MAP7D3: variants seen among roughly 807,000 people sequenced by gnomAD.
MAP7D3 encodes MAP7 domain containing 3, also known as MAP7 domain-containing protein 3.
Under a neutral mutation model 62.2 loss-of-function variants are expected in MAP7D3, and 45 were observed. The ratio of observed to expected loss-of-function variants is 0.72; its 90% CI spans 0.57 to 0.93. The LOEUF is 0.93. MAP7D3 is among the 40% of genes least tolerant of loss of function. MAP7D3 has a pLI of 0.00. For synonymous variants in MAP7D3, 288 were observed against 248.8 expected, an observed-to-expected ratio of 1.16 and a Z score of -1.48; for missense variants, 711 against 683.1, an observed-to-expected ratio of 1.04 and a Z score of -0.45.
chrX:136,236,156 T>C (rs2074326936), intron 7 of MAP7D3, 88 bp downstream of exon 7: 1 of 590,857 alleles, frequency 1.7e-6, no homozygotes, highest in African/African-American at 2.3e-5. Context: ...GCTTCCAATT[T>C]TGGGAATGAT....
intron 4 of MAP7D3, 48 bp downstream of exon 4, chrX:136,244,584 C>CA: frequency 8.9e-7 from 1 of 1,124,315 alleles, no homozygotes; most frequent in Non-Finnish European, 1.2e-6. Flanking sequence ...ATTCTAGACT[C>CA]AGGCAACACA....
At chrX:136,240,199 ACT>A (rs1408917373) in intron 6 of MAP7D3, among the ~76,000 whole-genome samples, 181 bp downstream of exon 6, 5 of 81,247 alleles carry the variant, frequency 6.2e-5, no homozygotes, top group African/African-American at 8.8e-5. Context: ...ACAGAGTGAG[ACT>A]CTGTCTCAAA....
At chrX:136,226,103 T>C (rs1235411436) in intron 12 of MAP7D3, 90 bp from the exon 13 acceptor site, 3 of 576,765 alleles carry the variant, frequency 5.2e-6, no homozygotes, top group Non-Finnish European at 8.3e-6. Flanking sequence ...TGGTAAATGT[T>C]ATCTAGTATA....
In MAP7D3 at chrX:136,230,847, G is replaced by T; in HGVS notation, c.1533C>A (p.Ile511=). The T allele has an allele frequency of 8.3e-7, 1 of 1,207,833 alleles. No homozygotes were observed. The highest frequency in any genetic ancestry group is 1.1e-6 in the Non-Finnish European group (1 of 893,488). ...PENACGLPSP[I]STNRQIQKNC... ...GCGAATAAGCTGCTTACTTAGTGCT[G>T]ATGGGAGACGGCAGACCACAAGCAT... is the stretch of plus-strand genomic sequence containing the variant. Residue 511 remains isoleucine, a synonymous_variant, in exon 9 of 19, where the codon ATC becomes ATA. Coordinates refer to ENST00000316077, the MANE Select transcript of MAP7D3 (RefSeq NM_024597.4).
At position 136,240,385 on chromosome X, in the gene MAP7D3, T is replaced by C. The variant is rs1251285526; in HGVS notation, c.637A>G (p.Lys213Glu). ...AATACATGAAATAACTACTTACTTT[T>C]GGCAACGGAATTTTGAAGGCCTGCA... is the stretch of plus-strand genomic sequence containing the variant. The part of the protein sequence containing the change: ...SSAGLQNSVA[K>E]RKTDKERSSS... Residue 213 changes from lysine to glutamate, a missense_variant, in exon 6 of 19, where the codon AAA becomes GAA. Lys to Glu is a moderately conservative substitution (Grantham distance 56, BLOSUM62 1). Transcript: ENST00000316077. 2.6e-6 allele frequency: 3 copies of C among 1,163,705 alleles called. No individual in the cohort carries two copies. In the South Asian group the frequency reaches 5.4e-5, roughly 21 times the overall value.
In MAP7D3 at chrX:136,219,453, A is replaced by G; in HGVS notation, c.2608T>C (p.Ser870Pro). 1 of 1,206,608 alleles carries G rather than the reference A, an allele frequency of 8.3e-7. No individual in the cohort carries two copies. The highest frequency in any genetic ancestry group is 1.1e-6 in the Non-Finnish European group (1 of 890,932). Residue 870 changes from serine to proline, a missense_variant, in exon 18 of 19, where the codon TCC becomes CCC. By Grantham distance (74) the Ser-to-Pro change is moderately conservative (BLOSUM62 -1). Coordinates refer to ENST00000316077, the MANE Select transcript of MAP7D3 (RefSeq NM_024597.4). ...SEGFHDILPK[S>P]SDTFRQ ...TCTTATTGTCTAAAGGTGTCTGAGG[A>G]CTTTGGCAAGATGTCATGGAATCCT...
In MAP7D3 at chrX:136,228,758, T is replaced by G; in HGVS notation, c.1751A>C (p.Glu584Ala). 1 of 1,181,931 alleles carries G rather than the reference T, an allele frequency of 8.5e-7. No individual in the cohort carries two copies. Among genetic ancestry groups the G allele is most frequent in the Non-Finnish European group, 1.1e-6 (1 of 881,624 alleles). Residue 584 changes from glutamate to alanine, a missense_variant and splice_region_variant, in exon 11 of 19, where the codon GAG (glutamate) becomes GCG (alanine). Transcript: ENST00000316077. ...ALSQRHMIYE[E>A]SGNKSTAGIM... ...ACCTGCAGTACTCTTATTACCAGAC[T>G]CTAGTTTAAATAAATATGTGCAACA...
intron 14 of MAP7D3, among the ~76,000 whole-genome samples, chrX:136,222,753 G>A (rs1015949646): frequency 9.0e-6 from 1 of 111,074 alleles, no homozygotes; most frequent in African/African-American, 3.3e-5. Flanking sequence ...CTTTGGGTTG[G>A]CATTTGTTCT....
intron 6 of MAP7D3, among the ~76,000 whole-genome samples, chrX:136,237,339 T>C (rs1447494079): frequency 8.9e-6 from 1 of 112,120 alleles, no homozygotes. Context: ...TGTGAGCAGT[T>C]ATTATGAATC....
chrX:136,231,115 CA>C, intron 8 of MAP7D3, 149 bp from the exon 9 acceptor site: 2 of 391,568 alleles, frequency 5.1e-6, no homozygotes, highest in Middle Eastern at 7.1e-4. Context: ...GTATGAGAAT[CA>C]GGACATTGAT....
At chrX:136,249,878 T>C (rs953478492) in intron 1 of MAP7D3, among the ~76,000 whole-genome samples, 4 of 112,606 alleles carry the variant, frequency 3.6e-5, no homozygotes, top group Non-Finnish European at 7.5e-5. Flanking sequence ...TACATGGCTC[T>C]TAAGTTTTTG....
chrX:136,255,698 C>T (rs373978663), upstream of MAP7D3, among the ~76,000 whole-genome samples: 31 of 110,695 alleles, frequency 2.8e-4, no homozygotes, highest in African/African-American at 9.2e-4. Context: ...TATTCTGGAG[C>T]CAAAACAGAC....
intron 10 of MAP7D3, chrX:136,228,967 C>T: frequency 3.9e-6 from 1 of 256,588 alleles, no homozygotes; most frequent in Non-Finnish European, 6.8e-6. Context: ...TTCTTTTTAA[C>T]ACCTACTTGT....
intron 10 of MAP7D3, 36 bp from the exon 11 acceptor site, chrX:136,228,794 C>A: frequency 2.8e-6 from 3 of 1,081,449 alleles, no homozygotes; most frequent in Non-Finnish European, 2.5e-6. Context: ...GTTAAGAGAG[C>A]TAATCAACTC....
chrX:136,250,852 G>A (rs994007934), intron 1 of MAP7D3, among the ~76,000 whole-genome samples: 2 of 111,830 alleles, frequency 1.8e-5, no homozygotes, highest in East Asian at 2.9e-4. Flanking sequence ...GTCCCTGCGG[G>A]CGCCCGCACA....
Position 136,224,628 on chromosome X carries a change from A to AT in MAP7D3, c.2193+198dup, listed in dbSNP as rs776397730. Among the ~76,000 whole-genome samples the AT allele has an allele frequency of 2.7e-5, 3 of 111,890 alleles. No individual in the cohort carries two copies. The South Asian group carries it at 1.1e-3, about 42-fold the overall frequency. On this transcript the variant is annotated intron_variant, in intron 14 of 18. Coordinates refer to ENST00000316077, the MANE Select transcript of MAP7D3 (RefSeq NM_024597.4). Reference sequence around the variant, plus strand: ...TCAACCCAAAAGTCTTGGGCAAAAGATAAAAAAAAACATTTCACACAAAAG... The same window carrying AT: ...TCAACCCAAAAGTCTTGGGCAAAAGATTAAAAAAAAACATTTCACACAAAAG...
intron 6 of MAP7D3, among the ~76,000 whole-genome samples, chrX:136,239,256 T>C (rs953851736): frequency 8.9e-6 from 1 of 112,271 alleles, no homozygotes; most frequent in African/African-American, 3.2e-5. Context: ...GATTTTTCTT[T>C]TAATAAGGAA....
chrX:136,243,138 G>C (rs776449045), intron 4 of MAP7D3, among the ~76,000 whole-genome samples: 1 of 110,892 alleles, frequency 9.0e-6, no homozygotes, highest in Non-Finnish European at 1.9e-5. Flanking sequence ...ACTGAGCACC[G>C]CAGAGAAAGA....
Position 136,219,670 on chromosome X carries a change from G to C in MAP7D3, c.2488C>G (p.Pro830Ala). The C allele has an allele frequency of 1.0e-5, 12 of 1,198,943 alleles. No individual in the cohort carries two copies. The highest frequency in any genetic ancestry group is 1.2e-5 in the Non-Finnish European group (11 of 883,674). Residue 830 changes from proline to alanine, a missense_variant and splice_region_variant, in exon 17 of 19, where the codon CCA becomes GCA. Pro to Ala is a conservative substitution (Grantham distance 27). Transcript: ENST00000316077. ...DTSIQEVVSR[P>A]SSKRMTSHTT... is the part of the protein sequence containing the mutation. ...TGACTGGTCATTCTTTTGGAAGATGGTCTGGAAAGAGACAGTTTGGTTAGA... is the reference window on the plus strand; with the variant it reads ...TGACTGGTCATTCTTTTGGAAGATGCTCTGGAAAGAGACAGTTTGGTTAGA...
Sources: gnomAD v4.1 joint callset for allele counts (sites outside exome capture counted in the v4.1 genomes callset) on GRCh38, gnomAD v4.1.1 for gene constraint, MANE v1.5 for transcripts, NCBI Gene and HGNC (gene_info 2026-07-23, HGNC 2026-07-21) for gene names.